MIPOL1: variants seen among roughly 807,000 people sequenced by gnomAD.
The protein encoded by MIPOL1 is mirror-image polydactyly 1.
Under a neutral mutation model 60.9 loss-of-function variants are expected in MIPOL1, and 57 were observed. The observed-to-expected ratio is 0.94, with a 90% CI of 0.76 to 1.17. MIPOL1 has a LOEUF of 1.17. Among genes scored for constraint, MIPOL1 ranks in the 50% most tolerant of loss-of-function variants. The pLI is 0.00. For missense variants in MIPOL1, 551 were observed against 511.6 expected, an observed-to-expected ratio of 1.08 and a Z score of -0.74; for synonymous variants, 179 against 168.8, an observed-to-expected ratio of 1.06 and a Z score of -0.47.
At chr14:37,299,633 T>C (rs1042344537) in intron 7 of MIPOL1, among the ~76,000 whole-genome samples, 1 of 152,080 alleles carries the variant, frequency 6.6e-6, no homozygotes, top group Non-Finnish European at 1.5e-5. Flanking sequence ...AATAGTTTTA[T>C]ATTTCTAGAA....
chr14:37,234,942 ATTTTTTTT>A (rs5807941), intron 1 of MIPOL1, among the ~76,000 whole-genome samples: 3 of 116,830 alleles, frequency 2.6e-5, no homozygotes, highest in East Asian at 2.6e-4. Flanking sequence ...CGTACGGCTA[ATTTTTTTT>A]TTTTTTTTTT....
intron 10 of MIPOL1, among the ~76,000 whole-genome samples, chr14:37,384,856 A>G (rs2093023551): frequency 6.6e-6 from 1 of 151,978 alleles, no homozygotes; most frequent in African/African-American, 2.4e-5. Context: ...TCAGTGTTTG[A>G]AAATTGATTC....
At chr14:37,329,208 T>C (rs7142072) in intron 9 of MIPOL1, among the ~76,000 whole-genome samples, 147,515 of 152,010 alleles carry the variant, frequency 0.97, 71,640 homozygotes, top group East Asian at 1. Context: ...GACTTACATA[T>C]ACACATCCAT....
intron 1 of MIPOL1, among the ~76,000 whole-genome samples, chr14:37,246,831 A>G (rs936337902): frequency 3.3e-5 from 5 of 152,100 alleles, no homozygotes; most frequent in Non-Finnish European, 5.9e-5. Flanking sequence ...GGCATTCATT[A>G]GCTGGGTAAA....
At chr14:37,288,844 A>G (rs537506519) in intron 7 of MIPOL1, among the ~76,000 whole-genome samples, 1 of 152,110 alleles carries the variant, frequency 6.6e-6, no homozygotes, top group African/African-American at 2.4e-5. Flanking sequence ...GGTGGCAAGT[A>G]GGACATGATT....
In MIPOL1 at chr14:37,356,359, T is replaced by A. The variant is rs941686779; in HGVS notation, c.829-13158T>A. Reference sequence around the variant, plus strand: ...TCTGCAGAGGTTACTGCTGTCTTTTTGTTTGTCTGTGCCCTGCCCCCAGAG... The same window carrying A: ...TCTGCAGAGGTTACTGCTGTCTTTTAGTTTGTCTGTGCCCTGCCCCCAGAG... On this transcript the variant is annotated intron_variant, in intron 9 of 12. Coordinates refer to ENST00000684589, the MANE Select transcript of MIPOL1 (RefSeq NM_001388067.1). Among the ~76,000 whole-genome samples, 74 of 152,082 alleles carry A rather than the reference T, an allele frequency of 4.9e-4. 1 individual carries two copies. Among genetic ancestry groups the A allele is most frequent in the African/African-American group, 1.6e-3 (67 of 41,516 alleles).
intron 7 of MIPOL1, 149 bp downstream of exon 7, chr14:37,285,596 C>CT (rs767127738): frequency 0.12 from 69,866 of 592,628 alleles, no homozygotes; most frequent in East Asian, 0.15. Flanking sequence ...TTTTTCTTTT[C>CT]TTTTTTTTTT....
intron 10 of MIPOL1, among the ~76,000 whole-genome samples, chr14:37,370,875 A>G (rs2092620215): frequency 6.6e-6 from 1 of 152,194 alleles, no homozygotes; most frequent in Non-Finnish European, 1.5e-5. Flanking sequence ...GCAAAATAGA[A>G]AACAGTATTT....
chr14:37,381,971 G>A (rs1362241723), intron 10 of MIPOL1, among the ~76,000 whole-genome samples: 1 of 151,962 alleles, frequency 6.6e-6, no homozygotes, highest in East Asian at 1.9e-4. Context: ...GGACAAAATA[G>A]TTCCTCAACC....
chr14:37,470,348 T>C (rs1038147635), intron 11 of MIPOL1, among the ~76,000 whole-genome samples: 1 of 152,122 alleles, frequency 6.6e-6, no homozygotes, highest in Non-Finnish European at 1.5e-5. Context: ...CGCCCAAATC[T>C]CATGTTGAAT....
chr14:37,276,625 C>T (rs1362690528), intron 6 of MIPOL1: 1 of 150,990 alleles, frequency 6.6e-6, no homozygotes, highest in East Asian at 1.9e-4. Flanking sequence ...TTTACCAGAA[C>T]AGAAAATGGC....
At chr14:37,411,609 A>G (rs2093682491) in intron 10 of MIPOL1, among the ~76,000 whole-genome samples, 1 of 152,096 alleles carries the variant, frequency 6.6e-6, no homozygotes. Context: ...CTGTTTTTGT[A>G]AATAAAATTT....
intron 10 of MIPOL1, among the ~76,000 whole-genome samples, chr14:37,374,364 G>A (rs1343381336): frequency 6.6e-6 from 1 of 152,046 alleles, no homozygotes; most frequent in Non-Finnish European, 1.5e-5. Flanking sequence ...AGTTTCTTTT[G>A]CCGTGCAGAA....
chr14:37,388,270 T>C (rs1272843197), intron 10 of MIPOL1, among the ~76,000 whole-genome samples: 1 of 151,914 alleles, frequency 6.6e-6, no homozygotes, highest in African/African-American at 2.4e-5. Context: ...TTGTTTCAAC[T>C]GTTATTGACT....
intron 9 of MIPOL1, among the ~76,000 whole-genome samples, chr14:37,332,198 ATTTATGG>A (rs2089753119): frequency 6.6e-6 from 1 of 151,522 alleles, no homozygotes; most frequent in Non-Finnish European, 1.5e-5. Context: ...TAGGTTTGTC[ATTTATGG>A]CCTTTGTCAT....
chr14:37,399,034 A>G (rs2153528118), intron 10 of MIPOL1, among the ~76,000 whole-genome samples: 1 of 152,342 alleles, frequency 6.6e-6, no homozygotes, highest in East Asian at 1.9e-4. Context: ...TATACTATAG[A>G]AAGCAAGATT....
chr14:37,270,373 A>C (rs1567222256), intron 5 of MIPOL1, 47 bp from the exon 6 acceptor site: 3 of 987,876 alleles, frequency 3.0e-6, no homozygotes, highest in Non-Finnish European at 2.9e-6. Context: ...TATTTTTGCA[A>C]GACATTTGTC....
intron 11 of MIPOL1, among the ~76,000 whole-genome samples, chr14:37,469,437 C>T (rs2094647846): frequency 6.6e-6 from 1 of 152,118 alleles, no homozygotes; most frequent in Non-Finnish European, 1.5e-5. Flanking sequence ...AAACCACCCC[C>T]ATTATCTAAT....
At chr14:37,501,001 C>A (rs927956831) in intron 12 of MIPOL1, among the ~76,000 whole-genome samples, 1 of 152,174 alleles carries the variant, frequency 6.6e-6, no homozygotes, top group Non-Finnish European at 1.5e-5. Flanking sequence ...AGGTTTCTTA[C>A]TTCCCACTAC....
Sources: gnomAD v4.1 joint callset for allele counts (sites outside exome capture counted in the v4.1 genomes callset) on GRCh38, gnomAD v4.1.1 for gene constraint, MANE v1.5 for transcripts, NCBI Gene and HGNC (gene_info 2026-07-23, HGNC 2026-07-21) for gene names.